TTC39B: variants seen among roughly 807,000 people sequenced by gnomAD.
TTC39B encodes the protein tetratricopeptide repeat domain 39B.
In TTC39B, 92 loss-of-function variants were observed where a neutral mutation model predicts 96.6. The observed-to-expected ratio is 0.95, with a 90% CI of 0.80 to 1.13. The LOEUF (loss-of-function observed/expected upper bound fraction) is 1.13. Ranked by LOEUF, TTC39B falls within the 50% of genes most tolerant of loss-of-function variation. The pLI is 0.00. For missense variants in TTC39B, 955 were observed against 809.3 expected (o/e 1.18, Z -2.18); for synonymous variants, 367 against 299.4 (o/e 1.23, Z -2.33).
At chr9:15,195,621 G>T (rs1197857928) in intron 8 of TTC39B, among the ~76,000 whole-genome samples, 3 of 135,236 alleles carry the variant, frequency 2.2e-5, no homozygotes, top group Non-Finnish European at 4.6e-5. Flanking sequence ...AGTGAGCTGA[G>T]ATCGTGCCAC....
At chr9:15,168,865 CG>C (rs1055353840) in exon 20 of TTC39B, 1 of 151,996 alleles carries the variant, frequency 6.6e-6, no homozygotes, top group Non-Finnish European at 1.5e-5. Flanking sequence ...GTATTAACAC[CG>C]GGGATTGTTA....
intron 2 of TTC39B, among the ~76,000 whole-genome samples, chr9:15,263,717 C>CTACAAGAT (rs1823023450): frequency 6.6e-6 from 1 of 152,168 alleles, no homozygotes; most frequent in Admixed American, 6.5e-5. Context: ...GAGGCCTCTG[C>CTACAAGAT]TACAAGATTC....
intron 6 of TTC39B, among the ~76,000 whole-genome samples, chr9:15,204,690 G>A (rs971277216): frequency 6.6e-6 from 1 of 152,054 alleles, no homozygotes; most frequent in Non-Finnish European, 1.5e-5. Flanking sequence ...TCTAGAGCTC[G>A]GTGAAAAAGA....
chr9:15,189,612 G>A, exon 13 of TTC39B: 1 of 1,614,126 alleles, frequency 6.2e-7, no homozygotes, highest in Non-Finnish European at 8.5e-7. Flanking sequence ...ATTCGGGCAT[G>A]ATAAAACAAC....
intron 2 of TTC39B, among the ~76,000 whole-genome samples, chr9:15,241,248 T>C (rs1280760944): frequency 6.6e-6 from 1 of 152,068 alleles, no homozygotes; most frequent in African/African-American, 2.4e-5. Flanking sequence ...TATCATGTGT[T>C]TTACATTTGT....
At chr9:15,242,471 T>C (rs1469053408) in intron 2 of TTC39B, among the ~76,000 whole-genome samples, 2 of 152,116 alleles carry the variant, frequency 1.3e-5, no homozygotes, top group Non-Finnish European at 2.9e-5. Context: ...TAGTCCCAGC[T>C]ACTCAGGCGG....
At chr9:15,295,397 G>T (rs1183891241) in intron 1 of TTC39B, among the ~76,000 whole-genome samples, 1 of 152,180 alleles carries the variant, frequency 6.6e-6, no homozygotes, top group African/African-American at 2.4e-5. Flanking sequence ...GTTTGTGGCT[G>T]CTTGACCTAG....
intron 2 of TTC39B, among the ~76,000 whole-genome samples, chr9:15,266,461 C>G (rs1331667503): frequency 5.9e-5 from 9 of 152,000 alleles, no homozygotes; most frequent in Non-Finnish European, 1.2e-4. Context: ...ACAAAAGATG[C>G]AATGTATTTT....
chr9:15,226,078 T>G (rs1371122039), intron 2 of TTC39B, 66 bp from the exon 3 acceptor site: 2 of 1,352,146 alleles, frequency 1.5e-6, no homozygotes, highest in African/African-American at 1.5e-5. Context: ...TCTACACCAG[T>G]GCAATTACAC....
chr9:15,226,308 T>C (rs1001408455), intron 2 of TTC39B, among the ~76,000 whole-genome samples: 2 of 152,176 alleles, frequency 1.3e-5, no homozygotes, highest in South Asian at 4.1e-4. Flanking sequence ...TCCGTCCAGG[T>C]TTTTTCCCAA....
chr9:15,260,963 T>C (rs535839253), intron 2 of TTC39B, among the ~76,000 whole-genome samples: 8 of 152,300 alleles, frequency 5.3e-5, no homozygotes, highest in African/African-American at 1.7e-4. Context: ...AGGATAAATT[T>C]GAAATTTCCG....
At chr9:15,188,204 A>G (rs1294325381) in intron 13 of TTC39B, 72 bp from the exon 14 acceptor site, 2 of 1,459,048 alleles carry the variant, frequency 1.4e-6, no homozygotes, top group Non-Finnish European at 1.8e-6. Flanking sequence ...GGAAAAATAC[A>G]TAAAACACTT....
At chr9:15,300,059 A>C (rs1422941674) in intron 1 of TTC39B, among the ~76,000 whole-genome samples, 1 of 152,174 alleles carries the variant, frequency 6.6e-6, no homozygotes, top group Non-Finnish European at 1.5e-5. Context: ...ACTGACGGTA[A>C]AGTGATGCTG....
At chr9:15,251,398 T>A (rs923754027) in intron 2 of TTC39B, among the ~76,000 whole-genome samples, 8 of 150,544 alleles carry the variant, frequency 5.3e-5, no homozygotes, top group African/African-American at 2.0e-4. Flanking sequence ...CCCCGTCTCC[T>A]CTAAAAATAT....
intron 1 of TTC39B, among the ~76,000 whole-genome samples, chr9:15,303,150 AGAGG>A (rs1824654443): frequency 6.6e-6 from 1 of 152,166 alleles, no homozygotes; most frequent in South Asian, 2.1e-4. Context: ...CCTGGGCAAC[AGAGG>A]GAGACTCCAA....
chr9:15,277,304 T>C (rs1184571104), intron 1 of TTC39B, among the ~76,000 whole-genome samples: 1 of 152,184 alleles, frequency 6.6e-6, no homozygotes, highest in Non-Finnish European at 1.5e-5. Context: ...GGCGCATGCC[T>C]GTAATCCCAG....
intron 2 of TTC39B, among the ~76,000 whole-genome samples, chr9:15,233,926 G>A (rs1036604163): frequency 6.6e-6 from 1 of 151,744 alleles, no homozygotes; most frequent in Non-Finnish European, 1.5e-5. Flanking sequence ...CCTCTTCCCC[G>A]CCGCCATCCC....
At chr9:15,237,606 C>G (rs2146864) in intron 2 of TTC39B, among the ~76,000 whole-genome samples, 1 of 150,004 alleles carries the variant, frequency 6.7e-6, no homozygotes, top group African/African-American at 2.5e-5. Context: ...CCCAAGCAGA[C>G]CAATAATAAG....
chr9:15,300,460 C>T (rs1244687964), intron 1 of TTC39B, among the ~76,000 whole-genome samples: 1 of 152,200 alleles, frequency 6.6e-6, no homozygotes, highest in Non-Finnish European at 1.5e-5. Context: ...TACTTCATTA[C>T]TCATCATCTT....
Sources: gnomAD v4.1 joint callset for allele counts (sites outside exome capture counted in the v4.1 genomes callset) on GRCh38, gnomAD v4.1.1 for gene constraint, MANE v1.5 for transcripts, NCBI Gene and HGNC (gene_info 2026-07-23, HGNC 2026-07-21) for gene names.